Variants in PPIP5K2 observed in about 807,000 individuals in gnomAD.
PPIP5K2 encodes the protein diphosphoinositol pentakisphosphate kinase 2.
A neutral mutation model predicts 154.6 loss-of-function variants in PPIP5K2; 105 were observed. The observed-to-expected ratio is 0.68, with a 90% CI of 0.58 to 0.80. The LOEUF (loss-of-function observed/expected upper bound fraction) is 0.80. PPIP5K2 is among the 30% of genes least tolerant of loss of function. PPIP5K2 has a pLI of 0.00. For missense variants in PPIP5K2, 992 were observed against 1,504.6 expected (o/e 0.66, Z 5.64); for synonymous variants, 480 against 490.3 (o/e 0.98, Z 0.28).
intron 17 of PPIP5K2, among the ~76,000 whole-genome samples, chr5:103,165,882 C>T (rs923647754): frequency 6.6e-6 from 1 of 152,074 alleles, no homozygotes; most frequent in Non-Finnish European, 1.5e-5. Flanking sequence ...GTTGGTTTAA[C>T]TTACACAATT....
intron 8 of PPIP5K2, 99 bp downstream of exon 8, chr5:103,149,412 C>A (rs1583298704): frequency 6.1e-6 from 7 of 1,139,744 alleles, no homozygotes; most frequent in Non-Finnish European, 7.3e-6. Context: ...AGAAGTAAAC[C>A]GAGAAAGTAA....
At chr5:103,194,840 ATGT>A in intron 29 of PPIP5K2, 57 bp from the exon 30 acceptor site, 1 of 1,537,020 alleles carries the variant, frequency 6.5e-7, no homozygotes, top group Non-Finnish European at 8.8e-7. Context: ...ACTTTCTATG[ATGT>A]TAAGAGATAA....
chr5:103,204,395 T>C lies in PPIP5K2; in HGVS notation c.*2761T>C, dbSNP rs1448791873. The C allele has an allele frequency of 6.6e-6, 1 of 152,228 alleles. No homozygotes were observed. Among genetic ancestry groups the C allele is most frequent in the East Asian group, 1.9e-4 (1 of 5,200 alleles). 9.4% of individuals were successfully genotyped at this position (152,228 alleles called of 1,614,324 possible). A position where few individuals can be genotyped will look rare whatever the true frequency, so the allele number is the denominator to read the frequency against. On this transcript the variant is annotated 3_prime_UTR_variant, in exon 31 of 31. Transcript: ENST00000358359. ...CCCAGCAGTTTTAGCCCCTCTCTAA[T>C]TCTCTTTTCCTGTGTTGGGAGATAT...
At chr5:103,178,990 A>T (rs915594459) in intron 23 of PPIP5K2, among the ~76,000 whole-genome samples, 64 of 152,012 alleles carry the variant, frequency 4.2e-4, no homozygotes, top group African/African-American at 1.5e-3. Flanking sequence ...TAAAAATTTT[A>T]TAGCTAGCAA....
In PPIP5K2 at chr5:103,212,707, A is replaced by T. The variant is rs1200425211; in HGVS notation, c.*11073A>T. On this transcript the variant is annotated 3_prime_UTR_variant, in exon 31 of 31. Coordinates refer to ENST00000358359, the MANE Select transcript of PPIP5K2 (RefSeq NM_001276277.3). ...GTATGTTATAAAAGCTTTGTAAAAT[A>T]AAGTGATGTTAAGCTACTATTGTAA... 6.6e-6 allele frequency: 1 copy of T among 152,154 alleles called. No individual in the cohort carries two copies. The highest frequency in any genetic ancestry group is 1.5e-5 in the Non-Finnish European group (1 of 67,980). The allele number at this position is 152,154 out of a possible 1,614,324, so 9.4% of individuals were successfully genotyped here. A position where few individuals can be genotyped will look rare whatever the true frequency, so the allele number is the denominator to read the frequency against.
chr5:103,201,578 A>C lies in PPIP5K2; in HGVS notation c.3676A>C (p.Ile1226Leu), dbSNP rs367587554. Residue 1226 changes from isoleucine (I) to leucine (L), a missense_variant, in exon 31 of 31, where the codon ATA becomes CTA. Around this residue, in one of 9 missense-constraint regions of PPIP5K2, gnomAD observed 131 missense variants for 117.8 expected, o/e 1.11. Coordinates refer to ENST00000358359, the MANE Select transcript of PPIP5K2 (RefSeq NM_001276277.3). ...VPNTSSRKKN[I>L]TSKTETHEHK... ...TAATACCTCATCTCGGAAAAAGAAT[A>C]TAACTAGCAAAACAGAAACGCATGA... 1.9e-6 allele frequency: 3 copies of C among 1,611,448 alleles called. No homozygotes were observed. The highest frequency in any genetic ancestry group is 2.5e-6 in the Non-Finnish European group (3 of 1,179,050).
At chr5:103,129,867 T>C (rs1232819112) in intron 2 of PPIP5K2, among the ~76,000 whole-genome samples, 164 bp downstream of exon 2, 1 of 152,338 alleles carries the variant, frequency 6.6e-6, no homozygotes. Context: ...AATACAGTTA[T>C]GGGTCAAACC....
chr5:103,191,582 G>C (rs1228674552), intron 29 of PPIP5K2, among the ~76,000 whole-genome samples: 1 of 152,036 alleles, frequency 6.6e-6, no homozygotes, highest in Non-Finnish European at 1.5e-5. Context: ...GCATATAAAA[G>C]GCTGACGTTC....
At chr5:103,138,753 A>G (rs1231565210) in intron 5 of PPIP5K2, among the ~76,000 whole-genome samples, 4 of 152,228 alleles carry the variant, frequency 2.6e-5, no homozygotes, top group East Asian at 3.8e-4. Flanking sequence ...GTAAATGTGT[A>G]TTGATTAAAG....
At position 103,212,705 on chromosome 5, in the gene PPIP5K2, A is replaced by G. The variant is rs1554232656; in HGVS notation, c.*11071A>G. 2 of 152,166 alleles carry G rather than the reference A, an allele frequency of 1.3e-5. No individual in the cohort carries two copies. Among genetic ancestry groups the G allele is most frequent in the African/African-American group, 4.8e-5 (2 of 41,456 alleles). The allele number at this position is 152,166 out of a possible 1,614,324, so 9.4% of individuals were successfully genotyped here. A position where few individuals can be genotyped will look rare whatever the true frequency, so the allele number is the denominator to read the frequency against. ...GTGTATGTTATAAAAGCTTTGTAAA[A>G]TAAAGTGATGTTAAGCTACTATTGT... is the stretch of plus-strand genomic sequence containing the variant. On this transcript the variant is annotated 3_prime_UTR_variant, in exon 31 of 31. Transcript: ENST00000358359.
intron 5 of PPIP5K2, among the ~76,000 whole-genome samples, chr5:103,145,319 A>G (rs529328560): frequency 6.6e-6 from 1 of 152,246 alleles, no homozygotes; most frequent in Admixed American, 6.5e-5. Flanking sequence ...TAGTAAAGCC[A>G]CTATTGAGAA....
intron 21 of PPIP5K2, 43 bp from the exon 22 acceptor site, chr5:103,177,624 A>G (rs1554221359): frequency 7.3e-7 from 1 of 1,369,176 alleles, no homozygotes; most frequent in Non-Finnish European, 1.0e-6. Flanking sequence ...CTTTCAAGTA[A>G]CACAGTTTGA....
intron 18 of PPIP5K2, among the ~76,000 whole-genome samples, 192 bp downstream of exon 18, chr5:103,167,512 G>A (rs1358716499): frequency 2.0e-5 from 3 of 151,958 alleles, no homozygotes; most frequent in African/African-American, 7.2e-5. Flanking sequence ...CAGCATGAAA[G>A]AGAAAATAAA....
intron 21 of PPIP5K2, chr5:103,176,840 G>T: frequency 7.7e-7 from 1 of 1,299,590 alleles, no homozygotes; most frequent in South Asian, 1.4e-5. Context: ...TTTCAGTTCT[G>T]ATGCTCTATG....
intron 5 of PPIP5K2, among the ~76,000 whole-genome samples, chr5:103,144,417 G>GA (rs559992816): frequency 1.3e-4 from 20 of 151,658 alleles, no homozygotes; most frequent in South Asian, 4.2e-4. Context: ...CACAGAAATA[G>GA]AAAAAAAATA....
intron 29 of PPIP5K2, chr5:103,194,669 T>C (rs1013115249): frequency 3.2e-5 from 11 of 347,566 alleles, no homozygotes; most frequent in Non-Finnish European, 5.3e-5. Context: ...CTTTGGTGCA[T>C]ACTATTTAAA....
chr5:103,199,446 A>G (rs1217328354), intron 30 of PPIP5K2, among the ~76,000 whole-genome samples: 1 of 152,100 alleles, frequency 6.6e-6, no homozygotes, highest in Non-Finnish European at 1.5e-5. Flanking sequence ...TTTTTATTTC[A>G]GCACTTTAAT....
Position 103,183,283 on chromosome 5 carries a change from T to A in PPIP5K2, c.2972T>A (p.Leu991Gln), listed in dbSNP as rs782804439. The A allele has an allele frequency of 6.6e-7, 1 of 1,520,890 alleles. No individual in the cohort carries two copies. The allele number at this position is 1,520,890 out of a possible 1,614,324, so 94.2% of individuals were successfully genotyped here. ...VSSPEGTGTW[L>Q]HYTSGVGTGR... is the part of the protein sequence containing the mutation. ...AGCCCAGAGGGTACTGGTACCTGGCTGCATTATACCAGTGGTGTGGGTACT... is the reference window on the plus strand; with the variant it reads ...AGCCCAGAGGGTACTGGTACCTGGCAGCATTATACCAGTGGTGTGGGTACT... Residue 991 changes from leucine to glutamine, a missense_variant, in exon 25 of 31, where the codon CTG (leucine) becomes CAG (glutamine). Coordinates refer to ENST00000358359, the MANE Select transcript of PPIP5K2 (RefSeq NM_001276277.3).
chr5:103,144,280 GA>G (rs1360680773), intron 5 of PPIP5K2, among the ~76,000 whole-genome samples: 1 of 151,822 alleles, frequency 6.6e-6, no homozygotes, highest in Non-Finnish European at 1.5e-5. Flanking sequence ...AAAAATTGAA[GA>G]GAACACACAA....
Sources: allele counts gnomAD v4.1 joint callset (sites outside exome capture counted in the v4.1 genomes callset), GRCh38; gene constraint gnomAD v4.1.1; regional missense constraint gnomAD v4.1.1; transcripts MANE v1.5; gene names NCBI Gene and HGNC (gene_info 2026-07-23, HGNC 2026-07-21).